TBC1D22A: variants seen among roughly 807,000 people sequenced by gnomAD.
The protein encoded by TBC1D22A is TBC1 domain family member 22A, also known as putative GTPase activator.
Under a neutral mutation model 60.2 loss-of-function variants are expected in TBC1D22A, and 38 were observed. The ratio of observed to expected loss-of-function variants is 0.63; its 90% CI spans 0.49 to 0.83. The LOEUF is 0.83. Among genes scored for constraint, TBC1D22A ranks in the 40% least tolerant of loss-of-function variants. The pLI is 0.00. For synonymous variants in TBC1D22A, 302 were observed against 281.7 expected (o/e 1.07, Z -0.72); for missense variants, 628 against 701.0 (o/e 0.90, Z 1.18).
intron 1 of TBC1D22A, among the ~76,000 whole-genome samples, chr22:46,791,268 C>T (rs1020873697): frequency 6.6e-6 from 1 of 152,218 alleles, no homozygotes; most frequent in African/African-American, 2.4e-5. Context: ...GCGATCCGCC[C>T]ACCTCGGCCT....
intron 11 of TBC1D22A, among the ~76,000 whole-genome samples, chr22:47,046,839 G>T (rs991769565): frequency 6.6e-6 from 1 of 152,194 alleles, no homozygotes; most frequent in African/African-American, 2.4e-5. Flanking sequence ...CCAGACCAAG[G>T]CTGCGGGAAC....
intron 8 of TBC1D22A, among the ~76,000 whole-genome samples, chr22:46,969,424 C>G (rs1160003224): frequency 6.6e-6 from 1 of 152,174 alleles, no homozygotes; most frequent in Non-Finnish European, 1.5e-5. Flanking sequence ...GTAAATGGAG[C>G]TGTTGATAAA....
intron 8 of TBC1D22A, among the ~76,000 whole-genome samples, chr22:46,920,076 T>TATGC (rs1357660487): frequency 4.6e-5 from 7 of 151,758 alleles, no homozygotes; most frequent in African/African-American, 1.7e-4. Context: ...TGTATGTATG[T>TATGC]ATGTATGTAT....
In TBC1D22A at chr22:46,912,204, A is replaced by T. The variant is rs1274978703; in HGVS notation, c.1015+16A>T. 1.9e-6 allele frequency: 3 copies of T among 1,587,134 alleles called. No homozygotes were observed. The highest frequency in any genetic ancestry group is 1.1e-5 in the South Asian group (1 of 89,648). On this transcript the variant is annotated intron_variant, in intron 8 of 12. Coordinates refer to ENST00000337137, the MANE Select transcript of TBC1D22A (RefSeq NM_014346.5). ...GAATACATAGGTAAGATTTCTTGCA[A>T]ACATTAAACGTGAACTTTAGTGGAC...
At chr22:46,971,589 CCTGT>C (rs1190538813) in intron 8 of TBC1D22A, among the ~76,000 whole-genome samples, 1 of 152,208 alleles carries the variant, frequency 6.6e-6, no homozygotes, top group African/African-American at 2.4e-5. Context: ...CACTTACCCT[CCTGT>C]CTATTTGCTT....
intron 10 of TBC1D22A, among the ~76,000 whole-genome samples, chr22:47,016,680 G>A (rs891854867): frequency 6.6e-6 from 1 of 152,244 alleles, no homozygotes; most frequent in African/African-American, 2.4e-5. Context: ...CGCTGCACGA[G>A]TCCTTCCTGT....
chr22:46,997,553 T>A, intron 9 of TBC1D22A, 81 bp from the exon 10 acceptor site: 2 of 1,147,338 alleles, frequency 1.7e-6, no homozygotes, highest in Non-Finnish European at 2.6e-6. Flanking sequence ...GCTGTTCACT[T>A]TATCCCAGCT....
Position 46,883,053 on chromosome 22 carries a change from T to C in TBC1D22A, c.708+4330T>C, listed in dbSNP as rs1215129281. Reference sequence around the variant, plus strand: ...TTTTATGCAAGCAGGGTAGTAACTTTTTAAAAATTACTGCTATACAGAATC... The same window carrying C: ...TTTTATGCAAGCAGGGTAGTAACTTCTTAAAAATTACTGCTATACAGAATC... On this transcript the variant is annotated intron_variant, in intron 5 of 12. Coordinates refer to ENST00000337137, the MANE Select transcript of TBC1D22A (RefSeq NM_014346.5). 4.6e-5 allele frequency among the ~76,000 whole-genome samples: 7 copies of C among 152,270 alleles called. 1 individual carries two copies. The highest frequency in any genetic ancestry group is 1.3e-4 in the Admixed American group (2 of 15,286).
intron 11 of TBC1D22A, among the ~76,000 whole-genome samples, chr22:47,046,359 G>C (rs568719021): frequency 6.6e-6 from 1 of 152,288 alleles, no homozygotes; most frequent in African/African-American, 2.4e-5. Flanking sequence ...CTAGAGGAGA[G>C]CCACGGGCCT....
intron 11 of TBC1D22A, among the ~76,000 whole-genome samples, chr22:47,075,222 C>CAAAAAAAAAAAAAAA (rs386395628): frequency 2.7e-4 from 31 of 114,094 alleles, no homozygotes; most frequent in African/African-American, 1.0e-3. Flanking sequence ...GATTCCGTCT[C>CAAAAAAAAAAAAAAA]AAAAAAAAAA....
intron 12 of TBC1D22A, among the ~76,000 whole-genome samples, chr22:47,168,121 C>T (rs987566956): frequency 3.3e-5 from 5 of 152,310 alleles, no homozygotes; most frequent in East Asian, 1.9e-4. Flanking sequence ...CCGGACTCTG[C>T]GACGTTCACT....
chr22:47,157,018 A>G (rs1173996618), intron 12 of TBC1D22A, among the ~76,000 whole-genome samples: 1 of 152,166 alleles, frequency 6.6e-6, no homozygotes, highest in Admixed American at 6.5e-5. Flanking sequence ...AGATGTCAGC[A>G]CTGGGCCCTA....
At chr22:47,004,280 C>G (rs1204140704) in intron 10 of TBC1D22A, among the ~76,000 whole-genome samples, 1 of 150,594 alleles carries the variant, frequency 6.6e-6, no homozygotes, top group Non-Finnish European at 1.5e-5. Context: ...ATACACACAC[C>G]CCTGCACACA....
At chr22:47,123,363 C>T (rs772639011) in intron 12 of TBC1D22A, among the ~76,000 whole-genome samples, 5 of 152,142 alleles carry the variant, frequency 3.3e-5, no homozygotes, top group Non-Finnish European at 7.3e-5. Context: ...GGCGCGTGGT[C>T]GGAATGGAAG....
intron 4 of TBC1D22A, among the ~76,000 whole-genome samples, chr22:46,808,749 C>A (rs2085257187): frequency 6.6e-6 from 1 of 152,172 alleles, no homozygotes; most frequent in African/African-American, 2.4e-5. Flanking sequence ...CACCTGCCAC[C>A]ATGCCTGGCT....
Position 46,905,657 on chromosome 22 carries a change from G to A in TBC1D22A, c.901-6417G>A, listed in dbSNP as rs144004140. Among the ~76,000 whole-genome samples the A allele has an allele frequency of 3.2e-3, 490 of 152,326 alleles. 4 individuals carry two copies. Among genetic ancestry groups the A allele is most frequent in the Non-Finnish European group, 3.9e-3 (266 of 68,016 alleles). On this transcript the variant is annotated intron_variant, in intron 7 of 12. Coordinates refer to ENST00000337137, the MANE Select transcript of TBC1D22A (RefSeq NM_014346.5). ...AGTGGGTCTCTCAAGGCGGACACGC[G>A]AGGGCCAGCGGTCCCAGAAGTTGGG... is the stretch of plus-strand genomic sequence containing the variant.
intron 11 of TBC1D22A, among the ~76,000 whole-genome samples, chr22:47,082,769 G>A (rs1369495063): frequency 2.0e-5 from 3 of 152,230 alleles, no homozygotes; most frequent in African/African-American, 7.2e-5. Flanking sequence ...GAAGCCCCAG[G>A]CACAGCTGAT....
At chr22:47,161,551 A>G (rs1216326405) in intron 12 of TBC1D22A, among the ~76,000 whole-genome samples, 1 of 152,212 alleles carries the variant, frequency 6.6e-6, no homozygotes, top group Non-Finnish European at 1.5e-5. Flanking sequence ...ACTGTGAAAA[A>G]GTTTAAAATA....
chr22:47,014,804 G>A (rs555206921), intron 10 of TBC1D22A, among the ~76,000 whole-genome samples: 16 of 152,308 alleles, frequency 1.1e-4, no homozygotes, highest in African/African-American at 3.4e-4. Context: ...GTGTGGTGGG[G>A]GGGACTGCTC....
Sources: allele counts gnomAD v4.1 joint callset (sites outside exome capture counted in the v4.1 genomes callset), GRCh38; gene constraint gnomAD v4.1.1; transcripts MANE v1.5; gene names NCBI Gene and HGNC (gene_info 2026-07-23, HGNC 2026-07-21).